LUZP2: variants seen among roughly 807,000 people sequenced by gnomAD.
The protein encoded by LUZP2 is leucine zipper protein 2.
Under a neutral mutation model 51.6 loss-of-function variants are expected in LUZP2, and 52 were observed. That is an observed-to-expected ratio of 1.01 (90% CI 0.81 to 1.27). LUZP2 has a LOEUF of 1.27. Ranked by LOEUF, LUZP2 falls within the 50% of genes most tolerant of loss-of-function variation. The pLI, the probability that LUZP2 is intolerant of heterozygous loss-of-function variation, is 0.00. For missense variants in LUZP2, 436 were observed against 395.4 expected, an observed-to-expected ratio of 1.10 and a Z score of -0.87; for synonymous variants, 154 against 137.3, an observed-to-expected ratio of 1.12 and a Z score of -0.85.
chr11:24,883,685 T>C (rs888849841), intron 5 of LUZP2, among the ~76,000 whole-genome samples: 1 of 152,044 alleles, frequency 6.6e-6, no homozygotes, highest in African/African-American at 2.4e-5. Flanking sequence ...ATTTATGTCC[T>C]TCAGTCATTA....
At chr11:24,585,066 G>A (rs1427410132) in intron 1 of LUZP2, among the ~76,000 whole-genome samples, 1 of 152,098 alleles carries the variant, frequency 6.6e-6, no homozygotes, top group Non-Finnish European at 1.5e-5. Flanking sequence ...GGAGGTTGAT[G>A]ACTCCTACTT....
intron 4 of LUZP2, chr11:24,751,478 C>A: frequency 2.0e-6 from 1 of 501,536 alleles, no homozygotes; most frequent in Non-Finnish European, 2.6e-6. Flanking sequence ...CAGCTCAGGC[C>A]TCTCCTGTCA....
At chr11:24,741,975 T>TATAA (rs1859185839) in intron 4 of LUZP2, among the ~76,000 whole-genome samples, 1 of 95,284 alleles carries the variant, frequency 1.0e-5, no homozygotes, top group African/African-American at 3.3e-5. Context: ...AATATATACA[T>TATAA]TTATATATTA....
intron 9 of LUZP2, among the ~76,000 whole-genome samples, chr11:25,028,754 C>A (rs1006030437): frequency 7.3e-5 from 11 of 151,490 alleles, no homozygotes; most frequent in Non-Finnish European, 1.5e-4. Flanking sequence ...AAATCCAGTT[C>A]ATCCATAAGA....
At chr11:24,741,651 G>A (rs1859147387) in intron 4 of LUZP2, among the ~76,000 whole-genome samples, 1 of 150,986 alleles carries the variant, frequency 6.6e-6, no homozygotes, top group Non-Finnish European at 1.5e-5. Context: ...ACATATCAGT[G>A]AGAACATACA....
intron 4 of LUZP2, among the ~76,000 whole-genome samples, chr11:24,742,057 T>TTATATATATATA (rs1554983398): frequency 1.7e-5 from 2 of 116,300 alleles, no homozygotes; most frequent in African/African-American, 8.4e-5. Context: ...ATAAATATAA[T>TTATATATATATA]TATATATATA....
intron 1 of LUZP2, among the ~76,000 whole-genome samples, chr11:24,694,922 G>A (rs143791872): frequency 4.6e-5 from 7 of 151,658 alleles, no homozygotes; most frequent in African/African-American, 1.7e-4. Context: ...GCCTATCAGG[G>A]GGGCTGTGTA....
At chr11:24,777,968 G>A (rs11028169) in intron 5 of LUZP2, among the ~76,000 whole-genome samples, 17,985 of 151,812 alleles carry the variant, frequency 0.12, 1,272 homozygotes, top group East Asian at 0.39. Flanking sequence ...TAATATAGTA[G>A]GCACTTGATA....
intron 5 of LUZP2, among the ~76,000 whole-genome samples, chr11:24,793,619 C>A (rs1034635525): frequency 4.6e-5 from 7 of 152,158 alleles, no homozygotes; most frequent in African/African-American, 1.7e-4. Flanking sequence ...CAGCTGATCT[C>A]AACTCTGCTG....
At chr11:24,619,727 A>G (rs1387758979) in intron 1 of LUZP2, among the ~76,000 whole-genome samples, 1 of 152,202 alleles carries the variant, frequency 6.6e-6, no homozygotes, top group Non-Finnish European at 1.5e-5. Context: ...ATGATCTTGT[A>G]TACTTTAAAT....
At chr11:24,888,059 A>G (rs1852729359) in intron 5 of LUZP2, among the ~76,000 whole-genome samples, 1 of 152,306 alleles carries the variant, frequency 6.6e-6, no homozygotes, top group South Asian at 2.1e-4. Flanking sequence ...ACATTTACAT[A>G]ATTTATTATA....
At chr11:24,938,618 T>G (rs1446159408) in intron 7 of LUZP2, among the ~76,000 whole-genome samples, 1 of 152,192 alleles carries the variant, frequency 6.6e-6, no homozygotes, top group African/African-American at 2.4e-5. Context: ...TAACTCAATG[T>G]TGCACCACTT....
chr11:24,513,725 T>G (rs1850380138), intron 1 of LUZP2, among the ~76,000 whole-genome samples: 1 of 152,194 alleles, frequency 6.6e-6, no homozygotes, highest in South Asian at 2.1e-4. Flanking sequence ...GGAAAATCAG[T>G]CAATGAATTC....
chr11:24,570,432 T>G (rs1157646303), intron 1 of LUZP2, among the ~76,000 whole-genome samples: 1 of 152,088 alleles, frequency 6.6e-6, no homozygotes, highest in Non-Finnish European at 1.5e-5. Flanking sequence ...ATAGGTTTAT[T>G]TATTTATTTC....
In LUZP2 at chr11:24,873,483, C is replaced by T. The variant is rs192217413; in HGVS notation, c.397-32508C>T. On this transcript the variant is annotated intron_variant, in intron 5 of 11. Coordinates refer to ENST00000336930, the MANE Select transcript of LUZP2 (RefSeq NM_001009909.4). ...TTGCTCAGTGTTCGGAGCAGCCATT[C>T]GCTAAGTATGACTTTCCTCCCTTTT... is the stretch of plus-strand genomic sequence containing the variant. Among the ~76,000 whole-genome samples the T allele has an allele frequency of 3.3e-3, 496 of 152,250 alleles. 3 individuals are homozygous for T. The highest frequency in any genetic ancestry group is 0.011 in the African/African-American group (456 of 41,556).
chr11:24,750,732 G>A (rs1005160269), intron 4 of LUZP2, among the ~76,000 whole-genome samples: 10 of 151,976 alleles, frequency 6.6e-5, no homozygotes, highest in African/African-American at 2.2e-4. Flanking sequence ...AGTCTTCCAT[G>A]CCTACTAGAA....
intron 1 of LUZP2, among the ~76,000 whole-genome samples, chr11:24,650,006 CAG>C (rs1855579214): frequency 1.4e-5 from 2 of 147,532 alleles, no homozygotes; most frequent in East Asian, 2.1e-4. Context: ...CACACACACA[CAG>C]ATAACATTTT....
chr11:24,907,125 C>T (rs886458916), intron 6 of LUZP2, among the ~76,000 whole-genome samples: 6 of 152,048 alleles, frequency 3.9e-5, no homozygotes, highest in East Asian at 1.9e-4. Flanking sequence ...AGGAAATAGT[C>T]TCTTCTATCT....
rs1362489611 is a variant in LUZP2 at position 24,653,053 on chromosome 11, T to C, written c.63-76116T>C. Reference sequence around the variant, plus strand: ...AGTAGTAGTGGTGGGGAACAAAATATGTGGGGCCTTAGTGACAAATAAGGA... The same window carrying C: ...AGTAGTAGTGGTGGGGAACAAAATACGTGGGGCCTTAGTGACAAATAAGGA... On this transcript the variant is annotated intron_variant, in intron 1 of 11. Transcript: ENST00000336930. 7.9e-5 allele frequency among the ~76,000 whole-genome samples: 12 copies of C among 152,266 alleles called. No individual in the cohort carries two copies. In the South Asian group the frequency reaches 1.9e-3, roughly 24 times the overall value.
Sources: gnomAD v4.1 joint callset for allele counts (sites outside exome capture counted in the v4.1 genomes callset) on GRCh38, gnomAD v4.1.1 for gene constraint, MANE v1.5 for transcripts, NCBI Gene and HGNC (gene_info 2026-07-23, HGNC 2026-07-21) for gene names.